Variants in CARS2 observed in about 807,000 individuals in gnomAD.
CARS2 encodes probable cysteine--tRNA ligase, mitochondrial.
Under a neutral mutation model 68.8 loss-of-function variants are expected in CARS2, and 52 were observed. That is an observed-to-expected ratio of 0.76 (90% confidence interval 0.61 to 0.95). The LOEUF (loss-of-function observed/expected upper bound fraction) is 0.95. Among genes scored for constraint, CARS2 ranks in the 40% least tolerant of loss-of-function variants. The pLI is 0.00. For missense variants in CARS2, 780 were observed against 754.2 expected (o/e 1.03, Z -0.40); for synonymous variants, 314 against 303.6 (o/e 1.03, Z -0.36).
chr13:110,678,600 G>C (rs2063043020), intron 6 of CARS2, among the ~76,000 whole-genome samples: 1 of 152,200 alleles, frequency 6.6e-6, no homozygotes. Flanking sequence ...TTCCTACATA[G>C]TGCATGGCAA....
chr13:110,686,018 GA>G (rs1380033118), intron 5 of CARS2, among the ~76,000 whole-genome samples: 1 of 140,208 alleles, frequency 7.1e-6, no homozygotes, highest in Non-Finnish European at 1.6e-5. Flanking sequence ...GAGAAAAAAA[GA>G]AAAAAAGAAA....
intron 3 of CARS2, among the ~76,000 whole-genome samples, chr13:110,695,513 A>T (rs1370984360): frequency 3.9e-5 from 6 of 152,132 alleles, no homozygotes; most frequent in African/African-American, 1.4e-4. Context: ...ATATATATTC[A>T]GAAGATAGAC....
rs1489297973 is a variant in CARS2 at position 110,677,065 on chromosome 13, A to C, written c.694T>G (p.Trp232Gly). ...ACCTCCTGGGGTTTGGCCGCCTTCC[A>C]CAGGGCGAAGTCACTGGCATGACGC... ...DKRHASDFAL[W>G]KAAKPQEVFW... Residue 232 changes from tryptophan to glycine, a missense_variant, in exon 7 of 15, where the codon TGG becomes GGG. Physicochemically the swap from Trp to Gly is radical, Grantham distance 184. Coordinates refer to ENST00000257347, the MANE Select transcript of CARS2 (RefSeq NM_024537.4). 1 of 1,611,140 alleles carries C rather than the reference A, an allele frequency of 6.2e-7. No individual in the cohort carries two copies. The highest frequency in any genetic ancestry group is 8.5e-7 in the Non-Finnish European group (1 of 1,177,972).
intron 5 of CARS2, 130 bp from the exon 6 acceptor site, chr13:110,683,264 G>C (rs1350590132): frequency 3.9e-6 from 2 of 519,276 alleles, no homozygotes; most frequent in Non-Finnish European, 6.4e-6. Flanking sequence ...TACATATATA[G>C]TATTTATATT....
At chr13:110,656,596 T>C (rs1460857099) in intron 9 of CARS2, among the ~76,000 whole-genome samples, 3 of 151,670 alleles carry the variant, frequency 2.0e-5, no homozygotes, top group Non-Finnish European at 2.9e-5. Context: ...ATAAAAACGT[T>C]CTTAGAGGCC....
rs1203372334 is a variant in CARS2, at chr13:110,653,699, C to T, written c.988-2599G>A. On this transcript the variant is annotated intron_variant, in intron 9 of 14. Coordinates refer to ENST00000257347, the MANE Select transcript of CARS2 (RefSeq NM_024537.4). The surrounding 1 kb of genome is among the most constrained non-coding windows in gnomAD (Gnocchi z 5.6). ...CTTGCGGGGGCGGGCGCTACTGCAG[C>T]GAGCTATAGTAGTAGTTCTAATAGA... 1.3e-5 allele frequency among the ~76,000 whole-genome samples: 2 copies of T among 152,168 alleles called. No homozygotes were observed. The highest frequency in any genetic ancestry group is 2.9e-5 in the Non-Finnish European group (2 of 68,030).
At chr13:110,642,887 G>A in intron 13 of CARS2, 1 of 484,826 alleles carries the variant, frequency 2.1e-6, no homozygotes, top group South Asian at 1.8e-5. Flanking sequence ...TGAGGCTGGG[G>A]GGCAGCGACT....
At chr13:110,712,987 C>T in intron 1 of CARS2, 3 of 1,552,240 alleles carry the variant, frequency 1.9e-6, no homozygotes, top group African/African-American at 2.7e-5. Context: ...GGTAGGTCTC[C>T]CGCGCACTCT....
chr13:110,658,834 C>T (rs2986091), intron 9 of CARS2, among the ~76,000 whole-genome samples: 14,466 of 152,102 alleles, frequency 0.095, 937 homozygotes, highest in African/African-American at 0.17. Context: ...TAGGCTGAGG[C>T]AGGAGAATCA....
intron 3 of CARS2, among the ~76,000 whole-genome samples, chr13:110,700,940 C>G (rs1262125802): frequency 6.6e-6 from 1 of 152,244 alleles, no homozygotes; most frequent in African/African-American, 2.4e-5. Context: ...TGTTAACTTC[C>G]TTTACTAGGG....
At chr13:110,706,667 G>C (rs1258318022), upstream of CARS2, among the ~76,000 whole-genome samples, 1 of 145,054 alleles carries the variant, frequency 6.9e-6, no homozygotes. Context: ...GCAGCACACC[G>C]TTAGCATCCC....
intron 6 of CARS2, 111 bp from the exon 7 acceptor site, chr13:110,677,214 A>G (rs2062979959): frequency 1.1e-5 from 12 of 1,136,508 alleles, no homozygotes; most frequent in Non-Finnish European, 1.3e-5. Flanking sequence ...CACCATGGAA[A>G]CACAGAAAAT....
At chr13:110,644,246 C>T in intron 13 of CARS2, 139 bp downstream of exon 13, 1 of 1,396,008 alleles carries the variant, frequency 7.2e-7, no homozygotes, top group Non-Finnish European at 9.8e-7. Context: ...TTTATTTTTC[C>T]AGGAAAGTAA....
chr13:110,656,723 A>G (rs2062379036), intron 9 of CARS2, among the ~76,000 whole-genome samples: 1 of 152,150 alleles, frequency 6.6e-6, no homozygotes, highest in Non-Finnish European at 1.5e-5. Flanking sequence ...TCTCTACTAA[A>G]AATACAAAAA....
chr13:110,679,563 AAGAAAG>A (rs2063078306), intron 6 of CARS2, among the ~76,000 whole-genome samples: 1 of 48,558 alleles, frequency 2.1e-5, no homozygotes, highest in African/African-American at 5.3e-5. Flanking sequence ...GAAAGAAAGA[AAGAAAG>A]AGAGAGAAAG....
chr13:110,650,032 G>A (rs2477916), intron 10 of CARS2, among the ~76,000 whole-genome samples: 15,927 of 148,732 alleles, frequency 0.11, 1,301 homozygotes, highest in African/African-American at 0.22. Flanking sequence ...CGCCTCCTGG[G>A]TTGAAGTGAT....
chr13:110,664,837 A>G (rs2062604317), intron 8 of CARS2: 1 of 356,970 alleles, frequency 2.8e-6, no homozygotes, highest in Non-Finnish European at 3.9e-6. Flanking sequence ...TCGAGAGCTG[A>G]CGGCCGTCTA....
At chr13:110,682,533 G>C (rs1246305768) in intron 6 of CARS2, among the ~76,000 whole-genome samples, 3 of 152,210 alleles carry the variant, frequency 2.0e-5, no homozygotes, top group African/African-American at 7.2e-5. Context: ...GATTCCCTTA[G>C]ACAGTATCCT....
At chr13:110,686,902 G>A (rs979395508) in intron 5 of CARS2, among the ~76,000 whole-genome samples, 3 of 148,960 alleles carry the variant, frequency 2.0e-5, no homozygotes, top group Non-Finnish European at 3.0e-5. Context: ...GGTGGACGGA[G>A]TCTTGCTCTG....
Sources: allele counts gnomAD v4.1 joint callset (sites outside exome capture counted in the v4.1 genomes callset), GRCh38; gene constraint gnomAD v4.1.1; non-coding constraint Gnocchi (gnomAD v3.1); transcripts MANE v1.5; gene names NCBI Gene and HGNC (gene_info 2026-07-23, HGNC 2026-07-21).